The following MAP2K5 variants were observed in gnomAD, a reference collection of about 807,000 sequenced individuals.
MAP2K5 encodes the protein dual specificity mitogen-activated protein kinase kinase 5.
MAP2K5 carries 49 observed loss-of-function variants against 83.1 expected under a neutral mutation model. That is an observed-to-expected ratio of 0.59 (90% CI 0.47 to 0.75). The LOEUF (loss-of-function observed/expected upper bound fraction) is 0.75, where lower values mean the gene tolerates loss of function less well. Among genes scored for constraint, MAP2K5 ranks in the 30% least tolerant of loss-of-function variants. The pLI is 0.00. For missense variants in MAP2K5, 457 were observed against 557.5 expected, an observed-to-expected ratio of 0.82 and a Z score of 1.82; for synonymous variants, 202 against 191.8, an observed-to-expected ratio of 1.05 and a Z score of -0.44.
chr15:67,748,705 G>A lies in MAP2K5; in HGVS notation c.1134+104G>A. ...AAGCACAATGCCCAACATCCTTGGA[G>A]CAAGTTGTGTTGTATGGCTCTGAGC... On this transcript the variant is annotated intron_variant, in intron 19 of 21. Coordinates refer to ENST00000178640, the MANE Select transcript of MAP2K5 (RefSeq NM_145160.3). The surrounding 1 kb of genome is among the most constrained non-coding windows in gnomAD (Gnocchi z 4.0). The A allele has an allele frequency of 9.1e-7, 1 of 1,093,846 alleles. No individual in the cohort carries two copies. The allele number at this position is 1,093,846 out of a possible 1,614,324, so 67.8% of individuals were successfully genotyped here.
chr15:67,745,417 GC>G (rs532765524), intron 17 of MAP2K5, among the ~76,000 whole-genome samples: 39 of 152,294 alleles, frequency 2.6e-4, no homozygotes, highest in African/African-American at 9.4e-4. Flanking sequence ...TAAACTAGGG[GC>G]TTCACTTTTT....
chr15:67,659,128 A>C, intron 12 of MAP2K5: 1 of 237,658 alleles, frequency 4.2e-6, no homozygotes, highest in Non-Finnish European at 8.3e-6. Context: ...CAGTTTTCCC[A>C]TATTCTTGTA....
At chr15:67,596,849 A>G (rs1342330298) in intron 7 of MAP2K5, among the ~76,000 whole-genome samples, 1 of 152,150 alleles carries the variant, frequency 6.6e-6, no homozygotes, top group East Asian at 1.9e-4. Context: ...TTTTTAGTCA[A>G]AACAAGGAAC....
At chr15:67,590,930 T>A (rs576288259) in intron 6 of MAP2K5, among the ~76,000 whole-genome samples, 11 of 152,314 alleles carry the variant, frequency 7.2e-5, no homozygotes, top group Admixed American at 7.2e-4. Flanking sequence ...ATACGTAAGA[T>A]GTGTCTGTGT....
At chr15:67,707,007 C>G (rs112614374) in intron 16 of MAP2K5, among the ~76,000 whole-genome samples, 2,625 of 152,286 alleles carry the variant, frequency 0.017, 88 homozygotes, top group African/African-American at 0.06. Context: ...CCTCCGCCTC[C>G]CAGGTTCAAG....
At chr15:67,581,736 A>G (rs1421121153) in intron 4 of MAP2K5, among the ~76,000 whole-genome samples, 8 of 152,222 alleles carry the variant, frequency 5.3e-5, no homozygotes, top group Non-Finnish European at 1.2e-4. Flanking sequence ...GAATGGCTCA[A>G]TTAACCAGTA....
At chr15:67,739,454 ATATATATATTTTTTTTTTTTTTTTTTTT>A (rs1214767721) in intron 17 of MAP2K5, among the ~76,000 whole-genome samples, 10 of 16,704 alleles carry the variant, frequency 6.0e-4, no homozygotes, top group Non-Finnish European at 7.9e-4. Flanking sequence ...ATATATATAT[ATATATATATTTTTTTTTTTTTTTTTTTT>A]TTTTTTTTTT....
intron 11 of MAP2K5, among the ~76,000 whole-genome samples, chr15:67,647,777 G>C (rs2086862191): frequency 6.6e-6 from 1 of 152,156 alleles, no homozygotes; most frequent in Admixed American, 6.6e-5. Context: ...GGCTGAGACT[G>C]AGAATTGCTT....
In MAP2K5 at chr15:67,786,094, G is replaced by A. The variant is rs2090411767; in HGVS notation, c.1242+13342G>A. Among the ~76,000 whole-genome samples the A allele has an allele frequency of 6.6e-6, 1 of 152,082 alleles. No individual in the cohort carries two copies. Among genetic ancestry groups the A allele is most frequent in the Non-Finnish European group, 1.5e-5 (1 of 68,022 alleles). ...ACTATGAAGTGCGAGACATACATGG[G>A]GCACGAGGTCATTCAGCCTCTTTGG... On this transcript the variant is annotated intron_variant, in intron 21 of 21. Coordinates refer to ENST00000178640, the MANE Select transcript of MAP2K5 (RefSeq NM_145160.3). The surrounding 1 kb of genome is among the most constrained non-coding windows in gnomAD (Gnocchi z 4.7).
intron 13 of MAP2K5, among the ~76,000 whole-genome samples, chr15:67,687,647 T>G (rs1350247660): frequency 6.6e-6 from 1 of 152,202 alleles, no homozygotes; most frequent in Non-Finnish European, 1.5e-5. Flanking sequence ...AAGTGTCATT[T>G]TGAAATGTAT....
rs755452133 is a variant in MAP2K5 at position 67,572,501 on chromosome 15, A to T, written c.253-8253A>T. Among the ~76,000 whole-genome samples the T allele has an allele frequency of 6.6e-6, 1 of 152,178 alleles. No individual in the cohort carries two copies. The highest frequency in any genetic ancestry group is 2.4e-5 in the African/African-American group (1 of 41,432). ...GTGAAAGTAAGTTTATTAAGAAAGTAAAGTGGTGAAAGAATAGCTACTCAC... is the reference window on the plus strand; with the variant it reads ...GTGAAAGTAAGTTTATTAAGAAAGTTAAGTGGTGAAAGAATAGCTACTCAC... On this transcript the variant is annotated intron_variant, in intron 3 of 21. Transcript: ENST00000178640. This position sits in a 1 kb window ranked among gnomAD's most constrained non-coding sequence, Gnocchi z 4.2.
At chr15:67,705,477 A>G (rs544638350) in intron 16 of MAP2K5, among the ~76,000 whole-genome samples, 4 of 152,312 alleles carry the variant, frequency 2.6e-5, no homozygotes, top group Admixed American at 6.5e-5. Context: ...GCTCATGCCC[A>G]TAATCCCAAC....
chr15:67,769,494 C>A lies in MAP2K5; in HGVS notation c.1135-108C>A. On this transcript the variant is annotated intron_variant, in intron 19 of 21. Transcript: ENST00000178640. This position sits in a 1 kb window ranked among gnomAD's most constrained non-coding sequence, Gnocchi z 5.2. ...CTTTTTAATTGGGTGAGGCCTTATT[C>A]TCATTGTATTCATCTTTATACTCAT... 1.0e-6 allele frequency: 1 copy of A among 953,904 alleles called. No homozygotes were observed. Among genetic ancestry groups the A allele is most frequent in the Non-Finnish European group, 1.7e-6 (1 of 603,880 alleles). 59.1% of individuals were successfully genotyped at this position (953,904 alleles called of 1,614,324 possible). A position where few individuals can be genotyped will look rare whatever the true frequency, so the allele number is the denominator to read the frequency against.
intron 11 of MAP2K5, among the ~76,000 whole-genome samples, chr15:67,657,358 C>G (rs939193191): frequency 2.0e-5 from 3 of 152,124 alleles, no homozygotes; most frequent in African/African-American, 7.2e-5. Flanking sequence ...GTCCAGTAAG[C>G]TGCATTTGTC....
In MAP2K5 at chr15:67,781,189, C is replaced by T. The variant is rs1429623912; in HGVS notation, c.1242+8437C>T. On this transcript the variant is annotated intron_variant, in intron 21 of 21. Transcript: ENST00000178640. This position sits in a 1 kb window ranked among gnomAD's most constrained non-coding sequence, Gnocchi z 4.0. ...GCTAGTCCCTGGGATTTGGGAATTG[C>T]TGTTGAAGGTAGCAAAGTTGTTTTC... 6.6e-6 allele frequency among the ~76,000 whole-genome samples: 1 copy of T among 152,160 alleles called. No homozygotes were observed. Among genetic ancestry groups the T allele is most frequent in the Non-Finnish European group, 1.5e-5 (1 of 68,028 alleles).
Position 67,646,285 on chromosome 15 carries a change from G to A in MAP2K5, c.640G>A (p.Glu214Lys). ...ELQKQIMSEL[E>K]ILYKCDSSYI... ...TCAGAAGCAAATTATGTCTGAATTG[G>A]AAATTCTTTATAAGGTAATTTTTTC... The change falls in exon 10 of 22, where the codon GAA becomes AAA. Residue 214 changes from glutamate to lysine, a missense_variant. Physicochemically the swap from Glu to Lys is moderately conservative, Grantham distance 56 (BLOSUM62 1). Around this residue, in one of 3 missense-constraint regions of MAP2K5, gnomAD observed 168 missense variants for 263.0 expected, o/e 0.64. Transcript: ENST00000178640. 1 of 1,457,094 alleles carries A rather than the reference G, an allele frequency of 6.9e-7. No individual in the cohort carries two copies. The highest frequency in any genetic ancestry group is 9.5e-7 in the Non-Finnish European group (1 of 1,048,600). 90.3% of individuals were successfully genotyped at this position (1,457,094 alleles called of 1,614,324 possible).
chr15:67,590,405 T>TCCTCCCTCTCTCCCTC (rs1357326451), intron 6 of MAP2K5, among the ~76,000 whole-genome samples: 1 of 72,894 alleles, frequency 1.4e-5, no homozygotes, highest in East Asian at 3.8e-4. Context: ...GCTCCTTCCT[T>TCCTCCCTCTCTCCCTC]CCTCCCTCTC....
At chr15:67,678,962 CAAAA>C (rs35828534) in intron 13 of MAP2K5, among the ~76,000 whole-genome samples, 2 of 115,956 alleles carry the variant, frequency 1.7e-5, no homozygotes, top group Non-Finnish European at 3.4e-5. Flanking sequence ...CACTGCATCT[CAAAA>C]AAAAAAAAAA....
intron 21 of MAP2K5, among the ~76,000 whole-genome samples, chr15:67,791,644 C>T (rs3784714): frequency 0.081 from 12,318 of 152,242 alleles, 682 homozygotes; most frequent in Admixed American, 0.1. Flanking sequence ...AATCCCAGCT[C>T]TACCTTGGCC....
Sources: allele counts gnomAD v4.1 joint callset (sites outside exome capture counted in the v4.1 genomes callset), GRCh38; gene constraint gnomAD v4.1.1; regional missense constraint gnomAD v4.1.1; non-coding constraint Gnocchi (gnomAD v3.1); transcripts MANE v1.5; gene names NCBI Gene and HGNC (gene_info 2026-07-23, HGNC 2026-07-21).